The following FOXP2 variants were observed in gnomAD, a reference collection of about 807,000 sequenced individuals.
FOXP2 encodes the protein forkhead box P2, also known as forkhead box protein P2.
FOXP2 carries 12 observed loss-of-function variants against 115.8 expected under a neutral mutation model. The observed-to-expected ratio is 0.10, with a 90% CI of 0.07 to 0.17. The LOEUF is 0.17. FOXP2 is among the 10% of genes least tolerant of loss of function. The probability of loss-of-function intolerance (pLI) is 1.00; values close to 1 mark genes in which losing one functional copy is unlikely to be tolerated. For missense variants in FOXP2, 629 were observed against 843.5 expected, an observed-to-expected ratio of 0.75 and a Z score of 3.15; for synonymous variants, 328 against 297.7, an observed-to-expected ratio of 1.10 and a Z score of -1.05.
intron 3 of FOXP2, among the ~76,000 whole-genome samples, chr7:114,576,114 TTTG>T (rs1801562778): frequency 6.6e-6 from 1 of 151,948 alleles, no homozygotes; most frequent in Non-Finnish European, 1.5e-5. Flanking sequence ...TATAGATTGT[TTTG>T]TTAATTCCAT....
At chr7:114,625,186 A>G (rs1804485473) in intron 3 of FOXP2, among the ~76,000 whole-genome samples, 1 of 151,710 alleles carries the variant, frequency 6.6e-6, no homozygotes, top group Admixed American at 6.6e-5. Context: ...TCCCAACCAA[A>G]GATGACTCTA....
chr7:114,332,820 G>T (rs1465972424), intron 2 of FOXP2, among the ~76,000 whole-genome samples: 1 of 152,144 alleles, frequency 6.6e-6, no homozygotes, highest in Non-Finnish European at 1.5e-5. Context: ...TGCTGGCTCT[G>T]CTTCTACCAC....
chr7:114,593,951 T>C (rs958265647), intron 3 of FOXP2, among the ~76,000 whole-genome samples: 2 of 152,022 alleles, frequency 1.3e-5, no homozygotes, highest in Non-Finnish European at 2.9e-5. Context: ...TTTACCTAAG[T>C]TTACCTAAAG....
rs78941508 is a variant in FOXP2, at chr7:114,344,692, A to G, written c.-11+56583A>G. 8.1e-3 allele frequency among the ~76,000 whole-genome samples: 1,236 copies of G among 151,958 alleles called. 12 individuals are homozygous for G. The highest frequency in any genetic ancestry group is 0.028 in the African/African-American group (1,175 of 41,532). On this transcript the variant is annotated intron_variant, in intron 2 of 17. Transcript: ENST00000634411. ...TCTGTTAACCAATGTTTAAGATCATAAAATTGTTACATAAATATAGGCCTT... is the reference window on the plus strand; with the variant it reads ...TCTGTTAACCAATGTTTAAGATCATGAAATTGTTACATAAATATAGGCCTT...
intron 1 of FOXP2, among the ~76,000 whole-genome samples, chr7:114,102,733 C>CAA (rs1491452861): frequency 1.4e-5 from 2 of 140,354 alleles, no homozygotes; most frequent in Non-Finnish European, 3.1e-5. Flanking sequence ...CACACACACA[C>CAA]CCCAATGGTT....
At chr7:114,103,690 A>T (rs1473761126) in intron 1 of FOXP2, among the ~76,000 whole-genome samples, 1 of 152,048 alleles carries the variant, frequency 6.6e-6, no homozygotes. Context: ...CAGAATATGT[A>T]TCTCTTTTTG....
intron 2 of FOXP2, among the ~76,000 whole-genome samples, chr7:114,470,041 C>T (rs1001260879): frequency 6.6e-6 from 1 of 152,014 alleles, no homozygotes; most frequent in Admixed American, 6.6e-5. Flanking sequence ...GAAAGAATTT[C>T]AATATAATTT....
At chr7:114,627,774 AC>A (rs1409812401) in intron 3 of FOXP2, among the ~76,000 whole-genome samples, 1 of 152,172 alleles carries the variant, frequency 6.6e-6, no homozygotes, top group African/African-American at 2.4e-5. Flanking sequence ...TTAATGAATA[AC>A]CTTTGAGTAA....
At chr7:114,090,798 T>A (rs1799526773) in intron 1 of FOXP2, among the ~76,000 whole-genome samples, 1 of 151,774 alleles carries the variant, frequency 6.6e-6, no homozygotes, top group Non-Finnish European at 1.5e-5. Flanking sequence ...AGTACAATTA[T>A]TTACATTCTT....
At chr7:114,150,772 T>C (rs943030608) in intron 1 of FOXP2, among the ~76,000 whole-genome samples, 2 of 152,028 alleles carry the variant, frequency 1.3e-5, no homozygotes, top group African/African-American at 2.4e-5. Flanking sequence ...TTCCTAGATA[T>C]CAATTTTCTC....
chr7:114,691,220 G>C lies in FOXP2; in HGVS notation c.*1294G>C, dbSNP rs1017579419. 5 of 453,748 alleles carry C rather than the reference G, an allele frequency of 1.1e-5. No homozygotes were observed. The highest frequency in any genetic ancestry group is 1.0e-4 in the African/African-American group (5 of 49,944). The allele number at this position is 453,748 out of a possible 1,614,324, so 28.1% of individuals were successfully genotyped here. On this transcript the variant is annotated 3_prime_UTR_variant, in exon 17 of 17. Coordinates refer to ENST00000350908, the MANE Select transcript of FOXP2 (RefSeq NM_014491.4). ...CATGTTGTTAGAAGATGTCTTGTAT[G>C]GTCTTAATCTTTGTTGTGTACTATT... is the stretch of plus-strand genomic sequence containing the variant.
chr7:114,267,431 A>G (rs1308049352), intron 1 of FOXP2, among the ~76,000 whole-genome samples: 3 of 152,000 alleles, frequency 2.0e-5, no homozygotes, highest in African/African-American at 7.3e-5. Flanking sequence ...TTCTTTTTCA[A>G]TTGTAGTAAA....
intron 2 of FOXP2, among the ~76,000 whole-genome samples, chr7:114,523,817 C>T (rs1207801447): frequency 6.6e-6 from 1 of 152,162 alleles, no homozygotes; most frequent in African/African-American, 2.4e-5. Context: ...TCAAGTCACT[C>T]TCCTAGCTAA....
At chr7:114,446,747 CTTT>C (rs373569304) in intron 2 of FOXP2, among the ~76,000 whole-genome samples, 1 of 139,246 alleles carries the variant, frequency 7.2e-6, no homozygotes. Context: ...TTCTTTCTTT[CTTT>C]TTTTTTTTTT....
chr7:114,113,448 T>C (rs1333218346), intron 1 of FOXP2, among the ~76,000 whole-genome samples: 1 of 152,148 alleles, frequency 6.6e-6, no homozygotes, highest in African/African-American at 2.4e-5. Flanking sequence ...GTTGTGCCAT[T>C]ATAGCTCACT....
chr7:114,679,424 T>A (rs1807960753), intron 16 of FOXP2, among the ~76,000 whole-genome samples: 1 of 152,244 alleles, frequency 6.6e-6, no homozygotes, highest in Non-Finnish European at 1.5e-5. Context: ...CAACTCTACC[T>A]GCAGTGTCCT....
intron 1 of FOXP2, among the ~76,000 whole-genome samples, chr7:114,223,840 T>C (rs1794682163): frequency 6.6e-6 from 1 of 151,812 alleles, no homozygotes; most frequent in South Asian, 2.1e-4. Context: ...AGTTTATCAA[T>C]TTTAATTTAA....
At chr7:114,222,431 T>C (rs1474239027) in intron 1 of FOXP2, among the ~76,000 whole-genome samples, 1 of 152,196 alleles carries the variant, frequency 6.6e-6, no homozygotes, top group Admixed American at 6.5e-5. Flanking sequence ...ATTACAGGCA[T>C]CAGCCACTGT....
intron 3 of FOXP2, among the ~76,000 whole-genome samples, chr7:114,626,622 G>A (rs1357751159): frequency 6.6e-6 from 1 of 151,250 alleles, no homozygotes; most frequent in African/African-American, 2.4e-5. Flanking sequence ...TATCTAGATT[G>A]ACAGCCTTTT....
Sources: gnomAD v4.1 joint callset for allele counts (sites outside exome capture counted in the v4.1 genomes callset) on GRCh38, gnomAD v4.1.1 for gene constraint, MANE v1.5 for transcripts, NCBI Gene and HGNC (gene_info 2026-07-23, HGNC 2026-07-21) for gene names.